SLC43A3: variants seen among roughly 807,000 people sequenced by gnomAD.
SLC43A3 encodes solute carrier family 43 member 3.
In SLC43A3, 33 loss-of-function variants were observed where a neutral mutation model predicts 53.3. That is an observed-to-expected ratio of 0.62 (90% CI 0.47 to 0.83). SLC43A3 has a LOEUF of 0.83. Ranked by LOEUF, SLC43A3 falls within the 40% of genes least tolerant of loss-of-function variation. The pLI, the probability that SLC43A3 is intolerant of heterozygous loss-of-function variation, is 0.00. For synonymous variants in SLC43A3, 236 were observed against 246.2 expected, an observed-to-expected ratio of 0.96 and a Z score of 0.39; for missense variants, 530 against 610.0, an observed-to-expected ratio of 0.87 and a Z score of 1.38.
rs112569523 is a variant in SLC43A3 at position 57,424,174 on chromosome 11, C to T, written c.315-146G>A. On this transcript the variant is annotated intron_variant, in intron 4 of 13. Transcript: ENST00000395124. ...GCAACGGGCACTGATGCCTCTGAGC[C>T]CCAGGCTCAAAACCAGGCGCAAGAA... 2,362 of 757,416 alleles carry T rather than the reference C, an allele frequency of 3.1e-3. 52 individuals carry two copies. The African/African-American group carries it at 0.038, about 12-fold the overall frequency. 46.9% of individuals were successfully genotyped at this position (757,416 alleles called of 1,614,324 possible). A position where few individuals can be genotyped will look rare whatever the true frequency, so the allele number is the denominator to read the frequency against.
At chr11:57,426,752 T>G (rs1464083446) in intron 1 of SLC43A3, 100 bp from the exon 2 acceptor site, 1 of 152,810 alleles carries the variant, frequency 6.5e-6, no homozygotes, top group Non-Finnish European at 1.5e-5. Context: ...TTCAGTTTAC[T>G]GACAATGAAA....
chr11:57,418,449 T>G (rs1269675598), intron 7 of SLC43A3, among the ~76,000 whole-genome samples: 3 of 152,188 alleles, frequency 2.0e-5, no homozygotes, highest in Non-Finnish European at 4.4e-5. Context: ...ATTCTAGTGC[T>G]TTAGAAGACC....
intron 11 of SLC43A3, among the ~76,000 whole-genome samples, chr11:57,410,831 C>T (rs1462386269): frequency 1.3e-5 from 2 of 152,256 alleles, no homozygotes; most frequent in Middle Eastern, 3.4e-3. Context: ...CTTTCCCACG[C>T]TATTCTTGTG....
intron 8 of SLC43A3, 63 bp from the exon 9 acceptor site, chr11:57,416,733 T>TGGA: frequency 1.5e-6 from 2 of 1,304,626 alleles, no homozygotes; most frequent in Non-Finnish European, 2.2e-6. Flanking sequence ...AGACTCAGAC[T>TGGA]GGAGGGAATA....
At position 57,426,303 on chromosome 11, in the gene SLC43A3, T is replaced by C. The variant is rs566242459; in HGVS notation, c.-131A>G. 1 of 840,368 alleles carries C rather than the reference T, an allele frequency of 1.2e-6. No homozygotes were observed. Among genetic ancestry groups the C allele is most frequent in the African/African-American group, 1.7e-5 (1 of 58,326 alleles). 52.1% of individuals were successfully genotyped at this position (840,368 alleles called of 1,614,324 possible). A position where few individuals can be genotyped will look rare whatever the true frequency, so the allele number is the denominator to read the frequency against. On this transcript the variant is annotated 5_prime_UTR_variant, in exon 3 of 14. Transcript: ENST00000395124. Reference sequence around the variant, plus strand: ...AAGCCCTTCCTTTCCCGTAGCTCTCTGGTTGTTTCAGGCCTGGGCAAAAAC... The same window carrying C: ...AAGCCCTTCCTTTCCCGTAGCTCTCCGGTTGTTTCAGGCCTGGGCAAAAAC...
chr11:57,416,316 G>A (rs1242815693), intron 9 of SLC43A3, among the ~76,000 whole-genome samples: 1 of 152,186 alleles, frequency 6.6e-6, no homozygotes, highest in African/African-American at 2.4e-5. Flanking sequence ...GGGGGGAAGG[G>A]AAGGCAACCC....
intron 5 of SLC43A3, among the ~76,000 whole-genome samples, chr11:57,422,225 C>T (rs1943023205): frequency 6.6e-6 from 1 of 152,204 alleles, no homozygotes; most frequent in Non-Finnish European, 1.5e-5. Context: ...TAGATGAAAA[C>T]ACTGGCATTA....
chr11:57,408,352 A>T (rs1251422872), intron 13 of SLC43A3: 1 of 158,090 alleles, frequency 6.3e-6, no homozygotes, highest in Non-Finnish European at 1.4e-5. Context: ...GCTTGAGGCC[A>T]GGAATTCAAA....
chr11:57,416,015 C>T (rs904244246), intron 9 of SLC43A3, among the ~76,000 whole-genome samples: 24 of 152,210 alleles, frequency 1.6e-4, no homozygotes, highest in African/African-American at 5.1e-4. Flanking sequence ...TGATGACCTA[C>T]AGTCTTCGTG....
intron 11 of SLC43A3, 38 bp downstream of exon 11, chr11:57,414,577 G>T: frequency 3.4e-6 from 4 of 1,180,454 alleles, no homozygotes; most frequent in Non-Finnish European, 5.1e-6. Context: ...CTCCCTTCCT[G>T]GTTCCCTGAC....
chr11:57,425,758 G>A lies in SLC43A3; in HGVS notation c.185-88C>T, dbSNP rs770099923. 12 of 1,572,718 alleles carry A rather than the reference G, an allele frequency of 7.6e-6. No individual in the cohort carries two copies. In the South Asian group the frequency reaches 1.4e-4, roughly 18 times the overall value. On this transcript the variant is annotated intron_variant, in intron 3 of 13. Transcript: ENST00000395124. Reference sequence around the variant, plus strand: ...GGCTCCCCTCCACCTCAGACAGCTTGTCGGTCGCAAACTTGTCCCTTAAGC... The same window carrying A: ...GGCTCCCCTCCACCTCAGACAGCTTATCGGTCGCAAACTTGTCCCTTAAGC...
intron 5 of SLC43A3, among the ~76,000 whole-genome samples, chr11:57,423,411 T>C (rs1328891068): frequency 6.6e-6 from 1 of 152,062 alleles, no homozygotes; most frequent in African/African-American, 2.4e-5. Flanking sequence ...AGGTTTTTTG[T>C]TGTTGTTTTG....
chr11:57,420,583 A>G, intron 7 of SLC43A3, among the ~76,000 whole-genome samples: 1 of 152,170 alleles, frequency 6.6e-6, no homozygotes. Flanking sequence ...TGCTGTACCC[A>G]CTAGCCACTT....
intron 4 of SLC43A3, 94 bp downstream of exon 4, chr11:57,425,447 C>G: frequency 1.5e-6 from 2 of 1,372,432 alleles, no homozygotes; most frequent in Non-Finnish European, 2.0e-6. Flanking sequence ...GCAGGGTGGC[C>G]GGGCTGTCTG....
rs760314789 is a variant in SLC43A3 at position 57,409,332 on chromosome 11, T to C, written c.1248-34A>G. 6 of 1,612,870 alleles carry C rather than the reference T, an allele frequency of 3.7e-6. No homozygotes were observed. In the African/African-American group the frequency reaches 8.0e-5, roughly 22 times the overall value. ...AGAAACCAGAGGGGTTCCAGTGAGCTTCAGGGACCCTCCCTCCAAGCAGAA... is the reference window on the plus strand; with the variant it reads ...AGAAACCAGAGGGGTTCCAGTGAGCCTCAGGGACCCTCCCTCCAAGCAGAA... On this transcript the variant is annotated intron_variant, in intron 12 of 13. Coordinates refer to ENST00000395124, the MANE Select transcript of SLC43A3 (RefSeq NM_199329.3).
chr11:57,415,114 G>C lies in SLC43A3; in HGVS notation c.770-8C>G. 6.2e-7 allele frequency: 1 copy of C among 1,602,404 alleles called. No individual in the cohort carries two copies. ...GCCCTGCCCCTGGGGTCTCTAATGG[G>C]GAGAGGAGGATCTGGGCGTGAATTA... On this transcript the variant is annotated splice_polypyrimidine_tract_variant and splice_region_variant and intron_variant, in intron 9 of 13. Transcript: ENST00000395124.
At chr11:57,413,415 G>A (rs969491365) in intron 11 of SLC43A3, among the ~76,000 whole-genome samples, 5 of 152,126 alleles carry the variant, frequency 3.3e-5, no homozygotes, top group Admixed American at 2.0e-4. Flanking sequence ...TATTTTTTAG[G>A]TGTGATCATG....
At chr11:57,418,465 A>T (rs1463327420) in intron 7 of SLC43A3, among the ~76,000 whole-genome samples, 1 of 152,182 alleles carries the variant, frequency 6.6e-6, no homozygotes, top group Non-Finnish European at 1.5e-5. Context: ...AGACCAAGAC[A>T]GGAGGATTGC....
intron 5 of SLC43A3, chr11:57,423,739 G>C (rs998036319): frequency 1.5e-5 from 7 of 456,774 alleles, no homozygotes; most frequent in Non-Finnish European, 2.4e-5. Context: ...CAGATGTAAA[G>C]TTTTGAATAA....
Sources: allele counts gnomAD v4.1 joint callset (sites outside exome capture counted in the v4.1 genomes callset), GRCh38; gene constraint gnomAD v4.1.1; transcripts MANE v1.5; gene names NCBI Gene and HGNC (gene_info 2026-07-23, HGNC 2026-07-21).